The following ERAP1 variants were observed in gnomAD, a reference collection of about 807,000 sequenced individuals.
ERAP1 encodes the protein adipocyte-derived leucine aminopeptidase.
A neutral mutation model predicts 103.7 loss-of-function variants in ERAP1; 86 were observed. That is an observed-to-expected ratio of 0.83 (90% CI 0.70 to 0.99). The LOEUF is 0.99. Ranked by LOEUF, ERAP1 falls within the 50% of genes least tolerant of loss-of-function variation. ERAP1 has a pLI of 0.00. For synonymous variants in ERAP1, 398 were observed against 402.4 expected (o/e 0.99, Z 0.13); for missense variants, 1,009 against 1,128.4 (o/e 0.89, Z 1.52).
Position 96,803,580 on chromosome 5 carries a change from G to C in ERAP1, c.347C>G (p.Ser116Trp), listed in dbSNP as rs748728833. ...TTCCAGGACCTGCAGGGGTTCTTCC[G>C]ATAGCCTCTCTCCAGCTCCCTTCCT... is the stretch of plus-strand genomic sequence containing the variant. The part of the protein sequence containing the change: ...TLRKGAGERL[S>W]EEPLQVLEHP... Residue 116 changes from serine to tryptophan, a missense_variant, in exon 2 of 19, where the codon TCG becomes TGG. Ser to Trp is a radical substitution (Grantham distance 177, BLOSUM62 -3). Transcript: ENST00000443439. 2.5e-6 allele frequency: 4 copies of C among 1,613,932 alleles called. No individual in the cohort carries two copies. Among genetic ancestry groups the C allele is most frequent in the African/African-American group, 2.7e-5 (2 of 74,914 alleles).
At chr5:96,889,899 A>G in the ERAP1 span, among the ~76,000 whole-genome samples, 3 of 151,980 alleles carry the variant, frequency 2.0e-5, no homozygotes, top group African/African-American at 7.3e-5. Flanking sequence ...TTTCTGGAGG[A>G]ATCACCATAC....
the ERAP1 span, among the ~76,000 whole-genome samples, chr5:96,906,401 G>T: frequency 6.6e-6 from 1 of 151,972 alleles, no homozygotes; most frequent in Non-Finnish European, 1.5e-5. Flanking sequence ...TGAGTAGCTG[G>T]GACTACAGGC....
intron 18 of ERAP1, 27 bp from the exon 19 acceptor site, chr5:96,776,578 A>AAATT (rs1475059743): frequency 4.3e-6 from 7 of 1,610,816 alleles, no homozygotes; most frequent in Middle Eastern, 3.5e-4. Flanking sequence ...GGGTTTTAAA[A>AAATT]AATTAATTTT....
chr5:96,825,247 G>A, the ERAP1 span, among the ~76,000 whole-genome samples: 1 of 152,116 alleles, frequency 6.6e-6, no homozygotes, highest in Non-Finnish European at 1.5e-5. Context: ...TGACACAGAA[G>A]TTATTTAGAA....
chr5:96,810,154 T>C (rs1386377037), upstream of ERAP1, among the ~76,000 whole-genome samples: 1 of 152,140 alleles, frequency 6.6e-6, no homozygotes, highest in East Asian at 1.9e-4. Flanking sequence ...GTCTTTAGAG[T>C]TGAAGTGCAC....
At position 96,793,817 on chromosome 5, in the gene ERAP1, C is replaced by A; in HGVS notation, c.1060G>T (p.Glu354Ter). ...KLGITMTVAHELAHQWFGNLV... is the reference protein window; with the variant it reads ...KLGITMTVAH ...TGAGCTTATACCTGGTGAGCCAGTT[C>A]ATGGGCCACAGTCATTGTGATGCCA... The change falls in exon 6 of 19, where the codon GAA becomes TAA. Residue 354 changes from glutamate (E) to a stop codon, truncating the protein, a stop_gained. Transcript: ENST00000443439. LOFTEE classifies it high-confidence loss of function. The A allele has an allele frequency of 6.2e-7, 1 of 1,613,782 alleles. No homozygotes were observed. The highest frequency in any genetic ancestry group is 2.2e-5 in the East Asian group (1 of 44,882).
rs1015926555 is a variant in ERAP1 at position 96,775,194 on chromosome 5, A to C, written c.*1202T>G. On this transcript the variant is annotated 3_prime_UTR_variant, in exon 19 of 19. Coordinates refer to ENST00000443439, the MANE Select transcript of ERAP1 (RefSeq NM_001040458.3). ...ACCATGTTAGTAAACTGTGCTTTCT[A>C]TTATTATCATCTATACATAAAACCT... 10 of 985,424 alleles carry C rather than the reference A, an allele frequency of 1.0e-5. No homozygotes were observed. The African/African-American group carries it at 1.7e-4, about 17-fold the overall frequency. 61.0% of individuals were successfully genotyped at this position (985,424 alleles called of 1,614,324 possible). A position where few individuals can be genotyped will look rare whatever the true frequency, so the allele number is the denominator to read the frequency against.
At chr5:96,808,979 G>C (rs1778983098), upstream of ERAP1, among the ~76,000 whole-genome samples, 1 of 152,176 alleles carries the variant, frequency 6.6e-6, no homozygotes, top group Non-Finnish European at 1.5e-5. Flanking sequence ...GCACCCCCAA[G>C]GGCTGTTGGT....
At chr5:96,892,368 C>A in the ERAP1 span, 4 of 1,613,844 alleles carry the variant, frequency 2.5e-6, no homozygotes, top group South Asian at 2.2e-5. Context: ...TATAGGGAGA[C>A]GTCACTGCTT....
rs763639831 is a variant in ERAP1 at position 96,786,507 on chromosome 5, G to A, written c.1722C>T (p.Ser574=). ...HVPLTFITSK[S]DMVHRFLLKT... ...TTAGCAAAAATCGATGGACCATGTC[G>A]GATTTGCTGGTGATGAATGTCAATG... The change falls in exon 12 of 19, where the codon TCC becomes TCT. Residue 574 remains serine (S), a synonymous_variant. Transcript: ENST00000443439. The A allele has an allele frequency of 1.7e-5, 27 of 1,612,904 alleles. No homozygotes were observed. The highest frequency in any genetic ancestry group is 1.7e-4 in the Middle Eastern group (1 of 5,746).
chr5:96,910,705 G>A, the ERAP1 span, among the ~76,000 whole-genome samples: 1 of 152,142 alleles, frequency 6.6e-6, no homozygotes, highest in Admixed American at 6.6e-5. Flanking sequence ...ACTTATTTAT[G>A]CTCACAATCA....
chr5:96,825,044 AAAAT>A, the ERAP1 span, among the ~76,000 whole-genome samples: 1 of 152,120 alleles, frequency 6.6e-6, no homozygotes, highest in Non-Finnish European at 1.5e-5. Context: ...CCCTGTCTCA[AAAAT>A]AAATAAATTA....
the ERAP1 span, chr5:96,917,627 C>T: frequency 1.9e-6 from 3 of 1,590,102 alleles, no homozygotes; most frequent in Non-Finnish European, 2.6e-6. Context: ...AAAAAGTAGG[C>T]TGGGCGCGGT....
the ERAP1 span, among the ~76,000 whole-genome samples, chr5:96,893,093 A>G: frequency 1.3e-5 from 2 of 152,194 alleles, no homozygotes; most frequent in African/African-American, 4.8e-5. Flanking sequence ...GGCCACTACA[A>G]CTACAAGAAA....
At chr5:96,833,385 A>G in the ERAP1 span, among the ~76,000 whole-genome samples, 1 of 152,176 alleles carries the variant, frequency 6.6e-6, no homozygotes, top group Admixed American at 6.5e-5. Flanking sequence ...ATTTCTCAAC[A>G]GGTTATTTTT....
intron 1 of ERAP1, among the ~76,000 whole-genome samples, chr5:96,806,416 G>A (rs542490402): frequency 1.3e-5 from 2 of 152,286 alleles, no homozygotes; most frequent in East Asian, 3.9e-4. Context: ...GGAGGAAAAA[G>A]AACTAATATT....
intron 4 of ERAP1, 137 bp from the exon 5 acceptor site, chr5:96,795,299 T>C: frequency 8.8e-7 from 1 of 1,137,706 alleles, no homozygotes; most frequent in Non-Finnish European, 1.3e-6. Flanking sequence ...GGGAATTCCA[T>C]TTCTTGCATT....
At chr5:96,792,312 T>TC in intron 7 of ERAP1, 120 bp from the exon 8 acceptor site, 1 of 817,244 alleles carries the variant, frequency 1.2e-6, no homozygotes, top group South Asian at 1.5e-5. Flanking sequence ...GGCAACCTAT[T>TC]CCATATTTCC....
the ERAP1 span, among the ~76,000 whole-genome samples, chr5:96,863,089 C>T: frequency 6.6e-6 from 1 of 152,058 alleles, no homozygotes; most frequent in Non-Finnish European, 1.5e-5. Flanking sequence ...GAAGATCCAC[C>T]TGCACTATCC....
Sources: gnomAD v4.1 joint callset for allele counts (sites outside exome capture counted in the v4.1 genomes callset) on GRCh38, gnomAD v4.1.1 for gene constraint, MANE v1.5 for transcripts, NCBI Gene and HGNC (gene_info 2026-07-23, HGNC 2026-07-21) for gene names.